Variants in EML5 observed in about 807,000 individuals in gnomAD.
EML5 encodes the protein EMAP like 5.
EML5 carries 120 observed loss-of-function variants against 250.0 expected under a neutral mutation model. The ratio of observed to expected loss-of-function variants is 0.48; its 90% confidence interval spans 0.41 to 0.56. EML5 has a LOEUF of 0.56. EML5 is among the 20% of genes least tolerant of loss of function. The pLI, the probability that EML5 is intolerant of heterozygous loss-of-function variation, is 0.00. For missense variants in EML5, 2,006 were observed against 2,437.6 expected, an observed-to-expected ratio of 0.82 and a Z score of 3.73; for synonymous variants, 771 against 806.5, an observed-to-expected ratio of 0.96 and a Z score of 0.75.
At chr14:88,763,509 A>G (rs1401965464) in intron 1 of EML5, among the ~76,000 whole-genome samples, 2 of 152,188 alleles carry the variant, frequency 1.3e-5, no homozygotes, top group Non-Finnish European at 2.9e-5. Context: ...TGAGGCAGTA[A>G]TTAATAGCCT....
intron 17 of EML5, among the ~76,000 whole-genome samples, chr14:88,690,592 T>C (rs1014234936): frequency 6.6e-6 from 1 of 152,058 alleles, no homozygotes; most frequent in Non-Finnish European, 1.5e-5. Flanking sequence ...AAACTGCAAA[T>C]TGAAAGTAGG....
chr14:88,713,843 T>G (rs1432869016), intron 9 of EML5, among the ~76,000 whole-genome samples: 3 of 148,046 alleles, frequency 2.0e-5, no homozygotes, highest in South Asian at 2.1e-4. Flanking sequence ...TTTATTTGTT[T>G]TTTTTTTTTT....
At chr14:88,735,726 C>T (rs901027696) in intron 7 of EML5, among the ~76,000 whole-genome samples, 2 of 152,134 alleles carry the variant, frequency 1.3e-5, no homozygotes, top group African/African-American at 2.4e-5. Flanking sequence ...ATATTCACTG[C>T]AAGCCCTGTA....
chr14:88,688,682 G>A (rs956368874), intron 17 of EML5, among the ~76,000 whole-genome samples: 3 of 152,152 alleles, frequency 2.0e-5, no homozygotes, highest in African/African-American at 7.2e-5. Context: ...GATAAACAAA[G>A]ACCTGGACTA....
intron 14 of EML5, 104 bp downstream of exon 14, chr14:88,702,341 CT>C: frequency 2.4e-6 from 2 of 838,392 alleles, no homozygotes; most frequent in Non-Finnish European, 3.3e-6. Flanking sequence ...CTAAAGAATT[CT>C]TTACTCTTCA....
At position 88,681,153 on chromosome 14, in the gene EML5, G is replaced by T. The variant is rs148912831; in HGVS notation, c.3124+737C>A. On this transcript the variant is annotated intron_variant, in intron 21 of 43. Transcript: ENST00000554922. ...TGACAATTATCAAAATTAACTAATG[G>T]GTAGCTTAAAAAACAGATGGGAATG... is the stretch of plus-strand genomic sequence containing the variant. 1.7e-3 allele frequency among the ~76,000 whole-genome samples: 257 copies of T among 152,118 alleles called. 1 individual carries two copies. Among genetic ancestry groups the T allele is most frequent in the Non-Finnish European group, 2.6e-3 (177 of 67,978 alleles).
intron 31 of EML5, among the ~76,000 whole-genome samples, chr14:88,641,351 A>G (rs2091056131): frequency 6.6e-6 from 1 of 152,244 alleles, no homozygotes; most frequent in African/African-American, 2.4e-5. Context: ...ACTACAAAAC[A>G]TCCCACACAA....
At chr14:88,720,575 C>T (rs774428906) in intron 8 of EML5, among the ~76,000 whole-genome samples, 2 of 152,164 alleles carry the variant, frequency 1.3e-5, no homozygotes, top group African/African-American at 2.4e-5. Flanking sequence ...TAAAATTCAG[C>T]ATCCTTTCAT....
intron 21 of EML5, among the ~76,000 whole-genome samples, chr14:88,669,160 T>C (rs2092389812): frequency 6.6e-6 from 1 of 152,188 alleles, no homozygotes; most frequent in Admixed American, 6.5e-5. Flanking sequence ...TCCATGGATC[T>C]GTGCAACTGG....
intron 32 of EML5, among the ~76,000 whole-genome samples, chr14:88,636,593 G>C (rs1161582449): frequency 6.6e-6 from 1 of 152,122 alleles, no homozygotes; most frequent in Non-Finnish European, 1.5e-5. Context: ...CCCGGGAGGT[G>C]GGGGCTGCAG....
chr14:88,693,223 A>G (rs2092999775), intron 17 of EML5, among the ~76,000 whole-genome samples: 1 of 152,210 alleles, frequency 6.6e-6, no homozygotes, highest in Non-Finnish European at 1.5e-5. Context: ...AAGTATGAAT[A>G]CTACTGTATT....
Position 88,620,747 on chromosome 14 carries a change from C to T in EML5, c.5375+7G>A. The T allele has an allele frequency of 6.4e-7, 1 of 1,573,220 alleles. No individual in the cohort carries two copies. The highest frequency in any genetic ancestry group is 8.6e-7 in the Non-Finnish European group (1 of 1,165,214). On this transcript the variant is annotated splice_region_variant and intron_variant, in intron 39 of 43. Coordinates refer to ENST00000554922, the MANE Select transcript of EML5 (RefSeq NM_183387.3). The surrounding 1 kb of genome is among the most constrained non-coding windows in gnomAD (Gnocchi z 4.3). ...TACTAGAAACTCTATTCCATTTGTTCACTAACCTGATATCATGGATTGCAC... is the reference window on the plus strand; with the variant it reads ...TACTAGAAACTCTATTCCATTTGTTTACTAACCTGATATCATGGATTGCAC...
intron 29 of EML5, 33 bp downstream of exon 29, chr14:88,646,914 T>G: frequency 6.3e-7 from 1 of 1,582,842 alleles, no homozygotes; most frequent in African/African-American, 1.4e-5. Context: ...AATACAAAGT[T>G]AGGCTTTGTA....
chr14:88,618,558 C>T, intron 40 of EML5, 92 bp downstream of exon 40: 8 of 1,419,520 alleles, frequency 5.6e-6, no homozygotes, highest in Non-Finnish European at 5.7e-6. Flanking sequence ...GAAGCTGGAG[C>T]TCTGGAGCTC....
intron 29 of EML5, chr14:88,644,788 G>C (rs1595350006): frequency 4.4e-6 from 1 of 227,988 alleles, no homozygotes; most frequent in Non-Finnish European, 8.6e-6. Context: ...TTGGCTCACT[G>C]CAACCTCTGC....
At chr14:88,694,974 TA>T (rs2093043418) in intron 16 of EML5, among the ~76,000 whole-genome samples, 1 of 151,872 alleles carries the variant, frequency 6.6e-6, no homozygotes, top group Non-Finnish European at 1.5e-5. Flanking sequence ...TATAAGAAAA[TA>T]AAAACCTATA....
intron 28 of EML5, among the ~76,000 whole-genome samples, chr14:88,648,205 T>C (rs1055922565): frequency 6.6e-6 from 1 of 152,156 alleles, no homozygotes; most frequent in Non-Finnish European, 1.5e-5. Context: ...AGAACAATCA[T>C]TGTACAGCTT....
chr14:88,616,816 A>G lies in EML5; in HGVS notation c.5706T>C (p.Cys1902=). ...TGATTCCTGAATGAGATACACAGGC[A>G]CAGTTGACATCAGCTTTCTCAGCAT... ...SRHAEKADVN[C]ACVSHSGISL... Residue 1902 remains cysteine (C), a synonymous_variant, in exon 42 of 44, where the codon TGT becomes TGC. Coordinates refer to ENST00000554922, the MANE Select transcript of EML5 (RefSeq NM_183387.3). 2 of 1,613,964 alleles carry G rather than the reference A, an allele frequency of 1.2e-6. No homozygotes were observed. The highest frequency in any genetic ancestry group is 8.5e-7 in the Non-Finnish European group (1 of 1,179,856).
intron 8 of EML5, among the ~76,000 whole-genome samples, chr14:88,723,557 A>C (rs2093621969): frequency 6.6e-6 from 1 of 152,204 alleles, no homozygotes; most frequent in Admixed American, 6.5e-5. Context: ...GTTAATAATA[A>C]TGTAGAATAT....
Sources: gnomAD v4.1 joint callset for allele counts (sites outside exome capture counted in the v4.1 genomes callset) on GRCh38, gnomAD v4.1.1 for gene constraint, Gnocchi (gnomAD v3.1) non-coding constraint, MANE v1.5 for transcripts, NCBI Gene and HGNC (gene_info 2026-07-23, HGNC 2026-07-21) for gene names.